Variants in CHLSN observed in about 807,000 individuals in gnomAD.
CHLSN encodes the protein protein cholesin.
At chr7:1,109,652 C>G in the CHLSN span, among the ~76,000 whole-genome samples, 36,979 of 151,812 alleles carry the variant, frequency 0.24, 4,834 homozygotes, top group African/African-American at 0.31. Context: ...CGGAGCCTTT[C>G]CCGCCCGCCG....
At chr7:1,019,643 G>A in the CHLSN span, among the ~76,000 whole-genome samples, 1 of 152,236 alleles carries the variant, frequency 6.6e-6, no homozygotes, top group Admixed American at 6.5e-5. Flanking sequence ...AGTGGCTGCA[G>A]GAAGCTCCAG....
the CHLSN span, chr7:1,058,035 C>G: frequency 1.3e-6 from 1 of 769,234 alleles, no homozygotes; most frequent in South Asian, 1.3e-5. Context: ...TGTGTCCACC[C>G]GCGCGCTAGA....
the CHLSN span, among the ~76,000 whole-genome samples, chr7:1,084,031 C>A: frequency 1.1e-4 from 17 of 152,386 alleles, no homozygotes; most frequent in Admixed American, 3.9e-4. Context: ...AGATGGAAGA[C>A]ATGGCAAGTC....
At chr7:1,116,049 C>T in the CHLSN span, among the ~76,000 whole-genome samples, 5 of 58,938 alleles carry the variant, frequency 8.5e-5, 1 homozygote, top group South Asian at 1.3e-3. Flanking sequence ...TCTACGGACC[C>T]GCTTCCATCA....
the CHLSN span, among the ~76,000 whole-genome samples, chr7:1,096,933 G>A: frequency 3.3e-5 from 5 of 151,466 alleles, no homozygotes; most frequent in African/African-American, 9.8e-5. This position sits in a 1 kb window ranked among gnomAD's most constrained non-coding sequence, Gnocchi z 4.6. Context: ...TTTCTGTGGC[G>A]GGGTGGGAAG....
chr7:1,136,646 G>A, the CHLSN span, among the ~76,000 whole-genome samples: 4 of 145,492 alleles, frequency 2.7e-5, no homozygotes, highest in African/African-American at 7.6e-5. Context: ...ATATGCGGAT[G>A]TGTGTATAAA....
At chr7:983,383 G>A in the CHLSN span, 1 of 1,506,582 alleles carries the variant, frequency 6.6e-7, no homozygotes, top group Non-Finnish European at 8.9e-7. Flanking sequence ...GTCCCTGATG[G>A]AGGTAAGTCA....
At chr7:1,121,762 A>C in the CHLSN span, among the ~76,000 whole-genome samples, 1 of 152,230 alleles carries the variant, frequency 6.6e-6, no homozygotes, top group Non-Finnish European at 1.5e-5. Flanking sequence ...CCCTGGGCTT[A>C]CTGTGGCCCA....
At chr7:1,027,989 G>A in the CHLSN span, among the ~76,000 whole-genome samples, 5 of 151,162 alleles carry the variant, frequency 3.3e-5, no homozygotes, top group African/African-American at 1.2e-4. Context: ...CCTGCCACCC[G>A]CGGCCCGGCC....
chr7:1,049,509 C>A, the CHLSN span, among the ~76,000 whole-genome samples: 4 of 152,262 alleles, frequency 2.6e-5, no homozygotes, highest in African/African-American at 4.8e-5. Flanking sequence ...CTGCAGTGCA[C>A]ATGCTTGCTG....
At chr7:986,526 C>T in the CHLSN span, 1 of 1,414,752 alleles carries the variant, frequency 7.1e-7, no homozygotes, top group Non-Finnish European at 9.8e-7. Flanking sequence ...ACCCAGAGTC[C>T]CTGGGCGTGA....
the CHLSN span, among the ~76,000 whole-genome samples, chr7:1,071,288 G>A: frequency 3.9e-5 from 6 of 152,240 alleles, no homozygotes; most frequent in African/African-American, 1.4e-4. Context: ...AACAACATAG[G>A]CTTAAAAATT....
the CHLSN span, chr7:1,010,259 C>A: frequency 1.1e-6 from 1 of 935,674 alleles, no homozygotes; most frequent in Non-Finnish European, 1.6e-6. Flanking sequence ...GCTCTGTCCC[C>A]AAGCACTGGG....
At chr7:1,076,951 T>C in the CHLSN span, among the ~76,000 whole-genome samples, 449 of 152,332 alleles carry the variant, frequency 2.9e-3, 9 homozygotes, top group Middle Eastern at 0.014. Context: ...AAGACTCAGG[T>C]TACCCAGTGT....
the CHLSN span, chr7:987,037 C>T: frequency 7.0e-7 from 1 of 1,430,478 alleles, no homozygotes; most frequent in Non-Finnish European, 9.1e-7. Context: ...GAGCCCAGGG[C>T]TGGGCTGGGT....
chr7:1,037,938 A>C, the CHLSN span, among the ~76,000 whole-genome samples: 1 of 51,108 alleles, frequency 2.0e-5, no homozygotes. Context: ...CCCGGCCGAG[A>C]CCCCGTCTGG....
chr7:1,105,381 C>A, the CHLSN span, among the ~76,000 whole-genome samples: 1 of 152,316 alleles, frequency 6.6e-6, no homozygotes, highest in African/African-American at 2.4e-5. Context: ...CCGAGGGTGA[C>A]GCCCCAGCCT....
the CHLSN span, among the ~76,000 whole-genome samples, chr7:1,133,453 T>C: frequency 7.8e-6 from 1 of 128,480 alleles, no homozygotes; most frequent in African/African-American, 3.0e-5. Context: ...AATTTAAAAA[T>C]GTAACACCCA....
At chr7:1,015,296 C>T in the CHLSN span, among the ~76,000 whole-genome samples, 8 of 151,926 alleles carry the variant, frequency 5.3e-5, no homozygotes, top group East Asian at 3.9e-4. Context: ...CCCCGTCCCC[C>T]GGGCATGAGA....
Sources: allele counts gnomAD v4.1 joint callset (sites outside exome capture counted in the v4.1 genomes callset), GRCh38; gene constraint gnomAD v4.1.1; non-coding constraint Gnocchi (gnomAD v3.1); transcripts MANE v1.5; gene names NCBI Gene and HGNC (gene_info 2026-07-23, HGNC 2026-07-21).